The following PRIM2 variants were observed in gnomAD, a reference collection of about 807,000 sequenced individuals.
The protein encoded by PRIM2 is DNA primase large subunit.
In PRIM2, 39 loss-of-function variants were observed where a neutral mutation model predicts 67.3. The ratio of observed to expected loss-of-function variants is 0.58; its 90% CI spans 0.45 to 0.76. The LOEUF (loss-of-function observed/expected upper bound fraction) is 0.76. Among genes scored for constraint, PRIM2 ranks in the 30% least tolerant of loss-of-function variants. The pLI, the probability that PRIM2 is intolerant of heterozygous loss-of-function variation, is 0.00. For synonymous variants in PRIM2, 143 were observed against 198.7 expected, an observed-to-expected ratio of 0.72 and a Z score of 2.36; for missense variants, 398 against 598.7, an observed-to-expected ratio of 0.66 and a Z score of 3.50.
intron 10 of PRIM2, among the ~76,000 whole-genome samples, chr6:57,556,871 C>T (rs1775523180): frequency 6.6e-6 from 1 of 151,364 alleles, no homozygotes. Flanking sequence ...TATTTGCCAA[C>T]TGTGCATCTG....
chr6:57,303,746 G>C, the PRIM2 span, among the ~76,000 whole-genome samples: 5 of 152,114 alleles, frequency 3.3e-5, no homozygotes, highest in African/African-American at 1.2e-4. Flanking sequence ...CTCCCAAGTA[G>C]CTGTGATTAC....
chr6:57,556,698 G>T (rs1459396306), intron 10 of PRIM2, among the ~76,000 whole-genome samples: 1 of 152,084 alleles, frequency 6.6e-6, no homozygotes, highest in African/African-American at 2.4e-5. Context: ...AGACAACCTA[G>T]ACAGTACCAT....
At chr6:57,282,900 A>G in the PRIM2 span, among the ~76,000 whole-genome samples, 1 of 152,262 alleles carries the variant, frequency 6.6e-6, no homozygotes, top group East Asian at 1.9e-4. Context: ...CTTTACCTGA[A>G]TTATAAGCTG....
chr6:57,243,639 T>A, the PRIM2 span, among the ~76,000 whole-genome samples: 1 of 152,070 alleles, frequency 6.6e-6, no homozygotes, highest in Non-Finnish European at 1.5e-5. Flanking sequence ...CCGACTCTTT[T>A]TTTTATTTTT....
chr6:57,345,460 C>G lies in PRIM2; in HGVS notation c.459+19415C>G, dbSNP rs536284735. Among the ~76,000 whole-genome samples, 3 of 120,766 alleles carry G rather than the reference C, an allele frequency of 2.5e-5. No homozygotes were observed. The East Asian group carries it at 6.9e-4, about 28-fold the overall frequency. The allele number at this position is 120,766 out of a possible 152,430, so 79.2% of individuals were successfully genotyped here. A position where few individuals can be genotyped will look rare whatever the true frequency, so the allele number is the denominator to read the frequency against. ...GGGTCTACAGGCGTGAGCCACCATGCCTGATATATATATATGTGTGTGTGT... is the reference window on the plus strand; with the variant it reads ...GGGTCTACAGGCGTGAGCCACCATGGCTGATATATATATATGTGTGTGTGT... On this transcript the variant is annotated intron_variant, in intron 5 of 13. Coordinates refer to ENST00000615550, the MANE Select transcript of PRIM2 (RefSeq NM_000947.5).
At chr6:57,564,718 A>G (rs1382113985) in intron 10 of PRIM2, among the ~76,000 whole-genome samples, 2 of 152,120 alleles carry the variant, frequency 1.3e-5, no homozygotes, top group Non-Finnish European at 2.9e-5. Flanking sequence ...AATCATTGGT[A>G]AATCTTAAAA....
At chr6:57,357,348 T>G (rs73748654) in intron 5 of PRIM2, among the ~76,000 whole-genome samples, 1 of 152,210 alleles carries the variant, frequency 6.6e-6, no homozygotes. Flanking sequence ...CTTCAAAATT[T>G]GTAATAAGTT....
At chr6:57,239,998 G>A in the PRIM2 span, among the ~76,000 whole-genome samples, 2 of 151,770 alleles carry the variant, frequency 1.3e-5, no homozygotes, top group East Asian at 1.9e-4. Flanking sequence ...CTGTAGGGAG[G>A]ACAGATATTA....
chr6:57,569,210 C>T (rs1228933636), intron 10 of PRIM2, among the ~76,000 whole-genome samples: 33 of 152,134 alleles, frequency 2.2e-4, no homozygotes, highest in African/African-American at 7.2e-4. Context: ...TTGGGAGGAG[C>T]GGGGATAATG....
chr6:57,435,513 C>A (rs561603452), intron 7 of PRIM2, among the ~76,000 whole-genome samples: 16 of 152,288 alleles, frequency 1.1e-4, no homozygotes, highest in Admixed American at 5.2e-4. Flanking sequence ...TGAGGAGAAA[C>A]AAATACTTAA....
At chr6:57,541,151 C>A (rs1308031877) in intron 10 of PRIM2, among the ~76,000 whole-genome samples, 1 of 152,148 alleles carries the variant, frequency 6.6e-6, no homozygotes. Context: ...AGGTTGAGTG[C>A]CATGTCAGAC....
chr6:57,529,494 A>G (rs1326270101), intron 8 of PRIM2, among the ~76,000 whole-genome samples: 1 of 152,182 alleles, frequency 6.6e-6, no homozygotes, highest in Non-Finnish European at 1.5e-5. Context: ...AGTCTAAAAC[A>G]TTAAAGTTAA....
intron 7 of PRIM2, among the ~76,000 whole-genome samples, chr6:57,395,531 T>C (rs1057125253): frequency 2.6e-5 from 4 of 152,150 alleles, no homozygotes; most frequent in Non-Finnish European, 5.9e-5. Context: ...TTCTTAGTTA[T>C]GTTATTTGGA....
At chr6:57,322,912 T>G (rs1044828696) in intron 3 of PRIM2, among the ~76,000 whole-genome samples, 58 of 152,156 alleles carry the variant, frequency 3.8e-4, no homozygotes, top group African/African-American at 1.3e-3. Context: ...GGACAACTGG[T>G]GAAGACTGAC....
At chr6:57,276,793 G>A in the PRIM2 span, among the ~76,000 whole-genome samples, 3 of 151,800 alleles carry the variant, frequency 2.0e-5, no homozygotes, top group Admixed American at 1.3e-4. Flanking sequence ...GGGGGCTCAG[G>A]TGGGAGAATG....
chr6:57,638,902 T>C (rs1321147643), intron 13 of PRIM2, among the ~76,000 whole-genome samples: 2 of 152,112 alleles, frequency 1.3e-5, no homozygotes, highest in Non-Finnish European at 2.9e-5. Flanking sequence ...CTGGACCAAG[T>C]GGACCTAATA....
At chr6:57,478,467 G>A (rs1773532906) in intron 7 of PRIM2, among the ~76,000 whole-genome samples, 1 of 151,544 alleles carries the variant, frequency 6.6e-6, no homozygotes, top group African/African-American at 2.4e-5. Context: ...CTGCCTCCTG[G>A]GTAGCTGGGA....
intron 7 of PRIM2, among the ~76,000 whole-genome samples, chr6:57,404,666 A>G (rs548110948): frequency 1.5e-4 from 23 of 152,358 alleles, no homozygotes; most frequent in Non-Finnish European, 2.9e-4. Flanking sequence ...GCTGTTATTC[A>G]CTGGACAGTT....
the PRIM2 span, among the ~76,000 whole-genome samples, chr6:57,264,700 G>A: frequency 2.0e-5 from 3 of 149,542 alleles, no homozygotes; most frequent in Admixed American, 2.0e-4. Context: ...GAGTTCAAGC[G>A]ATTCTCCTGC....
Sources: allele counts gnomAD v4.1 joint callset (sites outside exome capture counted in the v4.1 genomes callset), GRCh38; gene constraint gnomAD v4.1.1; transcripts MANE v1.5; gene names NCBI Gene and HGNC (gene_info 2026-07-23, HGNC 2026-07-21).